The following RUNX1 variants were observed in gnomAD, a reference collection of about 807,000 sequenced individuals.
The protein encoded by RUNX1 is RUNX family transcription factor 1.
Under a neutral mutation model 42.8 loss-of-function variants are expected in RUNX1, and 19 were observed. The ratio of observed to expected loss-of-function variants is 0.44; its 90% CI spans 0.31 to 0.65. The LOEUF (loss-of-function observed/expected upper bound fraction) is 0.65. Among genes scored for constraint, RUNX1 ranks in the 30% least tolerant of loss-of-function variants. RUNX1 has a pLI of 0.07. For synonymous variants in RUNX1, 271 were observed against 289.4 expected (o/e 0.94, Z 0.64); for missense variants, 528 against 672.0 (o/e 0.79, Z 2.37).
intron 6 of RUNX1, among the ~76,000 whole-genome samples, chr21:34,842,835 G>A (rs142869296): frequency 1.1e-3 from 174 of 152,290 alleles, no homozygotes; most frequent in African/African-American, 3.8e-3. Context: ...TTGGGAGGCT[G>A]AGGCGGACAG....
chr21:34,900,025 A>G (rs1046197410), intron 2 of RUNX1, among the ~76,000 whole-genome samples: 1 of 152,198 alleles, frequency 6.6e-6, no homozygotes, highest in Non-Finnish European at 1.5e-5. Flanking sequence ...CTTATTCTAG[A>G]GCAGCACATC....
chr21:35,040,726 G>C (rs1283956122), intron 2 of RUNX1, among the ~76,000 whole-genome samples: 5 of 148,512 alleles, frequency 3.4e-5, no homozygotes, highest in African/African-American at 5.1e-5. Flanking sequence ...AGCTGAGATG[G>C]GGCCACTGCA....
At chr21:35,030,989 CTCA>C (rs1341214201) in intron 2 of RUNX1, among the ~76,000 whole-genome samples, 1 of 152,150 alleles carries the variant, frequency 6.6e-6, no homozygotes, top group African/African-American at 2.4e-5. Context: ...AACATCACTC[CTCA>C]TCATGCAAAT....
chr21:34,913,521 C>T (rs964464343), intron 2 of RUNX1, among the ~76,000 whole-genome samples: 1 of 152,142 alleles, frequency 6.6e-6, no homozygotes, highest in African/African-American at 2.4e-5. Context: ...AGCTGGACAC[C>T]ACACGTCTTA....
chr21:34,966,500 C>T (rs533870405), intron 2 of RUNX1, among the ~76,000 whole-genome samples: 2 of 152,164 alleles, frequency 1.3e-5, no homozygotes, highest in Non-Finnish European at 2.9e-5. Flanking sequence ...TGGTTTACTG[C>T]CCTGCTGTCC....
intron 2 of RUNX1, among the ~76,000 whole-genome samples, chr21:35,019,779 C>T (rs983424006): frequency 3.9e-5 from 6 of 152,154 alleles, no homozygotes; most frequent in South Asian, 4.2e-4. Flanking sequence ...CCAAGTCCAT[C>T]GCCAGAACAA....
intron 6 of RUNX1, among the ~76,000 whole-genome samples, chr21:34,846,215 T>TTTTTTTTTTTTC (rs1385178245): frequency 7.7e-6 from 1 of 130,168 alleles, no homozygotes; most frequent in Non-Finnish European, 1.7e-5. Context: ...TTTTTTTTTT[T>TTTTTTTTTTTTC]CAAATGTTGC....
Position 34,791,122 on chromosome 21 carries a change from C to T in RUNX1, c.*1013G>A, listed in dbSNP as rs1277632938. The T allele has an allele frequency of 8.6e-6, 2 of 233,458 alleles. No homozygotes were observed. Among genetic ancestry groups the T allele is most frequent in the East Asian group, 6.0e-5 (1 of 16,562 alleles). 14.5% of individuals were successfully genotyped at this position (233,458 alleles called of 1,614,324 possible). ...CAGTGTCTAAAAATCCTATTAAAAA[C>T]GTTGCTGCGTGAGCTACTCACTTGT... On this transcript the variant is annotated 3_prime_UTR_variant, in exon 9 of 9. Coordinates refer to ENST00000675419, the MANE Select transcript of RUNX1 (RefSeq NM_001754.5).
chr21:34,919,785 C>T (rs2834674), intron 2 of RUNX1, among the ~76,000 whole-genome samples: 117,511 of 152,156 alleles, frequency 0.77, 47,769 homozygotes, highest in South Asian at 0.92. Context: ...CCCAAAATAA[C>T]GATTGTAGGA....
chr21:34,792,323 C>G lies in RUNX1; in HGVS notation c.1255G>C (p.Val419Leu). ...CGCGGCGGCGAGCGCTCGCCGCCCA[C>G]CATGGAGAACTGGTAGGAGCCGGCC... ...ASAGSYQFSM[V>L]GGERSPPRIL... Residue 419 changes from valine to leucine, a missense_variant, in exon 9 of 9, where the codon GTG (valine) becomes CTG (leucine). Physicochemically the swap from Val to Leu is conservative, Grantham distance 32. Transcript: ENST00000675419. This position sits in a 1 kb window ranked among gnomAD's most constrained non-coding sequence, Gnocchi z 6.9. The G allele has an allele frequency of 6.4e-7, 1 of 1,551,802 alleles. No individual in the cohort carries two copies.
intron 2 of RUNX1, among the ~76,000 whole-genome samples, chr21:34,922,884 G>A (rs78464446): frequency 1.9e-3 from 288 of 152,198 alleles, no homozygotes; most frequent in African/African-American, 6.6e-3. Flanking sequence ...TTGATTGAGC[G>A]CTTATACTAA....
chr21:34,808,549 CCTTTT>C (rs2056715108), intron 7 of RUNX1, among the ~76,000 whole-genome samples: 1 of 152,130 alleles, frequency 6.6e-6, no homozygotes, highest in Admixed American at 6.5e-5. Context: ...ACCCTGGAGT[CCTTTT>C]CTTTTCAAAC....
intron 2 of RUNX1, among the ~76,000 whole-genome samples, chr21:35,036,752 G>A (rs2059311547): frequency 2.0e-5 from 3 of 152,214 alleles, no homozygotes; most frequent in Admixed American, 1.3e-4. Context: ...GTGGTATGAG[G>A]TCCTGTTTAC....
intron 2 of RUNX1, among the ~76,000 whole-genome samples, chr21:34,978,362 G>T (rs962599020): frequency 6.6e-6 from 1 of 152,110 alleles, no homozygotes; most frequent in African/African-American, 2.4e-5. Context: ...AAAAATAAGT[G>T]GTCCTTGTGG....
chr21:34,851,903 A>G (rs2057424182), intron 6 of RUNX1, among the ~76,000 whole-genome samples: 1 of 152,244 alleles, frequency 6.6e-6, no homozygotes, highest in Non-Finnish European at 1.5e-5. Flanking sequence ...ACAGTGGCTC[A>G]TGCCTTTAAT....
At chr21:35,041,886 AG>A (rs2059362399) in intron 2 of RUNX1, among the ~76,000 whole-genome samples, 1 of 152,152 alleles carries the variant, frequency 6.6e-6, no homozygotes, top group Admixed American at 6.5e-5. Context: ...AAATTTATGA[AG>A]GGCCATTTGA....
intron 8 of RUNX1, among the ~76,000 whole-genome samples, chr21:34,798,775 T>C (rs914944060): frequency 6.6e-6 from 1 of 152,154 alleles, no homozygotes; most frequent in Non-Finnish European, 1.5e-5. Flanking sequence ...ATGTTATATA[T>C]AAATATACCA....
chr21:34,830,712 C>A (rs939083428), intron 7 of RUNX1, among the ~76,000 whole-genome samples: 1 of 152,148 alleles, frequency 6.6e-6, no homozygotes, highest in Non-Finnish European at 1.5e-5. Context: ...CTCTGAATTT[C>A]GATTTCTCTG....
In RUNX1 at chr21:34,792,794, A is replaced by AC. The variant is rs1325989434; in HGVS notation, c.968-185dup. ...TGCTACTCCCAAGAGGACGAGGATTACCCAGGATGCTATACCCAGGGGGAC... is the reference window on the plus strand; with the variant it reads ...TGCTACTCCCAAGAGGACGAGGATTACCCCAGGATGCTATACCCAGGGGGAC... On this transcript the variant is annotated intron_variant, in intron 8 of 8. Transcript: ENST00000675419. The surrounding 1 kb of genome is among the most constrained non-coding windows in gnomAD (Gnocchi z 6.9). Among the ~76,000 whole-genome samples, 3 of 149,506 alleles carry AC rather than the reference A, an allele frequency of 2.0e-5. No homozygotes were observed. The South Asian group carries it at 6.4e-4, about 32-fold the overall frequency.
Sources: allele counts gnomAD v4.1 joint callset (sites outside exome capture counted in the v4.1 genomes callset), GRCh38; gene constraint gnomAD v4.1.1; non-coding constraint Gnocchi (gnomAD v3.1); transcripts MANE v1.5; gene names NCBI Gene and HGNC (gene_info 2026-07-23, HGNC 2026-07-21).